PKD1: variants seen among roughly 807,000 people sequenced by gnomAD.
The protein encoded by PKD1 is polycystin 1, transient receptor potential channel interacting.
Under a neutral mutation model 361.7 loss-of-function variants are expected in PKD1, and 81 were observed. That is an observed-to-expected ratio of 0.22 (90% CI 0.19 to 0.27). The LOEUF is 0.27. PKD1 is among the 10% of genes least tolerant of loss of function. The pLI, the probability that PKD1 is intolerant of heterozygous loss-of-function variation, is 1.00. For synonymous variants in PKD1, 3,615 were observed against 2,818.3 expected (o/e 1.28, Z -8.95); for missense variants, 6,399 against 6,118.3 (o/e 1.05, Z -1.53).
Position 2,102,866 on chromosome 16 carries a change from C to G in PKD1, c.8896G>C (p.Glu2966Gln), listed in dbSNP as rs773129632. The change falls in exon 24 of 46, where the codon GAG becomes CAG. Residue 2966 changes from glutamate (E) to glutamine (Q), a missense_variant. Coordinates refer to ENST00000262304, the MANE Select transcript of PKD1 (RefSeq NM_001009944.3). ...NCSASRRIRPESLQGADHRPY... is the reference protein window; with the variant it reads ...NCSASRRIRPQSLQGADHRPY... The stretch of plus-strand genomic sequence containing the variant: ...CGGTGGTCAGCACCCTGGAGTGACT[C>G]TGGGCGGATCCTCCTGCTAGCCGAG... 5 of 1,600,464 alleles carry G rather than the reference C, an allele frequency of 3.1e-6. No individual in the cohort carries two copies. Among genetic ancestry groups the G allele is most frequent in the African/African-American group, 1.4e-5 (1 of 71,422 alleles).
At position 2,092,314 on chromosome 16, in the gene PKD1, C is replaced by T. The variant is rs563107624; in HGVS notation, c.11270-126G>A. 83 of 1,098,988 alleles carry T rather than the reference C, an allele frequency of 7.6e-5. No individual in the cohort carries two copies. In the African/African-American group the frequency reaches 1.2e-3, roughly 16 times the overall value. The allele number at this position is 1,098,988 out of a possible 1,614,324, so 68.1% of individuals were successfully genotyped here. On this transcript the variant is annotated intron_variant, in intron 39 of 45. Transcript: ENST00000262304. Reference sequence around the variant, plus strand: ...CCCAGGGAACCCTCCCAGCAGCCATCAATTAGACAACGTTACCATCTCTCA... The same window carrying T: ...CCCAGGGAACCCTCCCAGCAGCCATTAATTAGACAACGTTACCATCTCTCA...
At position 2,120,940 on chromosome 16, in the gene PKD1, C is replaced by CT. The variant is rs2092710548; in HGVS notation, c.216-1563_216-1562insA. On this transcript the variant is annotated intron_variant, in intron 1 of 45. Transcript: ENST00000262304. The stretch of plus-strand genomic sequence containing the variant: ...GCTGAGGCAGGAGAATCACGTGAAC[C>CT]CGGGAGGCGAAGGTTGCAGTGAGCC... 2.6e-5 allele frequency among the ~76,000 whole-genome samples: 4 copies of CT among 151,760 alleles called. No individual in the cohort carries two copies. The South Asian group carries it at 8.3e-4, about 32-fold the overall frequency.
In PKD1 at chr16:2,109,743, C is replaced by T. The variant is rs2092451799; in HGVS notation, c.5424G>A (p.Arg1808=). ...VQVPVSGLSI[R]ASEPGGSFVA... ...CGAAGCTGCCTCCGGGCTCGCTGGC[C>T]CTGATGCTGAGGCCACTCACAGGCA... The change falls in exon 15 of 46, where the codon AGG becomes AGA. Residue 1808 remains arginine (R), a synonymous_variant. Coordinates refer to ENST00000262304, the MANE Select transcript of PKD1 (RefSeq NM_001009944.3). 1 of 1,609,078 alleles carries T rather than the reference C, an allele frequency of 6.2e-7. No individual in the cohort carries two copies. The highest frequency in any genetic ancestry group is 1.3e-5 in the African/African-American group (1 of 74,844).
In PKD1 at chr16:2,114,529, G is replaced by A. The variant is rs777602723; in HGVS notation, c.2494C>T (p.Arg832Cys). 23 of 1,593,886 alleles carry A rather than the reference G, an allele frequency of 1.4e-5. No homozygotes were observed. Among genetic ancestry groups the A allele is most frequent in the African/African-American group, 5.3e-5 (4 of 74,808 alleles). Residue 832 changes from arginine (R) to cysteine (C), a missense_variant, in exon 11 of 46, where the codon CGC becomes TGC. Transcript: ENST00000262304. ...AGLRVIYPAP[R>C]DGRLYVPTNG... ...GTGGGCACGTAGAGGCGGCCGTCGCGGGGGGCAGGGTAGATGACCCGCAGC... is the reference window on the plus strand; with the variant it reads ...GTGGGCACGTAGAGGCGGCCGTCGCAGGGGGCAGGGTAGATGACCCGCAGC...
At chr16:2,115,327 G>A (rs1216333449) in intron 10 of PKD1, 51 bp downstream of exon 10, 1 of 1,438,680 alleles carries the variant, frequency 7.0e-7, no homozygotes, top group Non-Finnish European at 9.5e-7. Context: ...CAGCAGACAG[G>A]AAGGTGGCCT....
In PKD1 at chr16:2,100,574, G is replaced by A. The variant is rs781378410; in HGVS notation, c.9398-8C>T. ...CCACGTGGGCCGTGGTACCTGGGAG[G>A]CAAGAGGGAGGGGTGGGAGGCTCGG... On this transcript the variant is annotated splice_region_variant and splice_polypyrimidine_tract_variant and intron_variant, in intron 26 of 45. Coordinates refer to ENST00000262304, the MANE Select transcript of PKD1 (RefSeq NM_001009944.3). The surrounding 1 kb of genome is among the most constrained non-coding windows in gnomAD (Gnocchi z 4.4). 7.1e-5 allele frequency: 114 copies of A among 1,608,442 alleles called. No homozygotes were observed. Among genetic ancestry groups the A allele is most frequent in the Non-Finnish European group, 8.7e-5 (103 of 1,178,838 alleles).
At position 2,106,091 on chromosome 16, in the gene PKD1, C is replaced by A; in HGVS notation, c.7703G>T (p.Arg2568Met). 1 of 1,605,840 alleles carries A rather than the reference C, an allele frequency of 6.2e-7. No homozygotes were observed. The highest frequency in any genetic ancestry group is 8.5e-7 in the Non-Finnish European group (1 of 1,176,528). Residue 2568 changes from arginine (R) to methionine (M), a missense_variant and splice_region_variant, in exon 19 of 46, where the codon AGG becomes ATG. Transcript: ENST00000262304. The surrounding 1 kb of genome is among the most constrained non-coding windows in gnomAD (Gnocchi z 6.5). ...GGCGCCCTCCCACGGCCTGGCTCACCTGTTGAGGGCGACCACAGCGGCTCC... is the reference window on the plus strand; with the variant it reads ...GGCGCCCTCCCACGGCCTGGCTCACATGTTGAGGGCGACCACAGCGGCTCC... ...QLGAAVVALN[R>M]SLAITLPEPN...
Position 2,090,397 on chromosome 16 carries a change from T to C in PKD1, c.12332A>G (p.His4111Arg), listed in dbSNP as rs1215019403. Reference sequence around the variant, plus strand: ...CCGGTACAGCTCTCCACGCAAGGCGTGGTAGCGCCAGCGGAGAATAACAGC... The same window carrying C: ...CCGGTACAGCTCTCCACGCAAGGCGCGGTAGCGCCAGCGGAGAATAACAGC... ...LGAVILRWRY[H>R]ALRGELYRPA... Residue 4111 changes from histidine to arginine, a missense_variant, in exon 45 of 46, where the codon CAC (histidine) becomes CGC (arginine). His to Arg is a conservative substitution (Grantham distance 29, BLOSUM62 0). Coordinates refer to ENST00000262304, the MANE Select transcript of PKD1 (RefSeq NM_001009944.3). 2.5e-6 allele frequency: 4 copies of C among 1,612,558 alleles called. No individual in the cohort carries two copies. Among genetic ancestry groups the C allele is most frequent in the Non-Finnish European group, 3.4e-6 (4 of 1,179,894 alleles).
Position 2,097,719 on chromosome 16 carries a change from G to A in PKD1, c.10220+9C>T, listed in dbSNP as rs775761020. On this transcript the variant is annotated intron_variant, in intron 32 of 45. Coordinates refer to ENST00000262304, the MANE Select transcript of PKD1 (RefSeq NM_001009944.3). ...GCACCAGGGCTCGAGGTTTCTCTAG[G>A]GAACCCACCTCTTAGAATCATCCAG... The A allele has an allele frequency of 6.8e-6, 11 of 1,611,014 alleles. No homozygotes were observed. Among genetic ancestry groups the A allele is most frequent in the Non-Finnish European group, 8.5e-6 (10 of 1,179,816 alleles).
rs577453334 is a variant in PKD1 at position 2,134,834 on chromosome 16, CA to C, written c.215+640del. On this transcript the variant is annotated intron_variant, in intron 1 of 45. Coordinates refer to ENST00000262304, the MANE Select transcript of PKD1 (RefSeq NM_001009944.3). ...CGAACATGACAAGGCTTTAACCCCC[CA>C]CGGCAATCCCCCCTCACCCCTGTTC... is the stretch of plus-strand genomic sequence containing the variant. Among the ~76,000 whole-genome samples the C allele has an allele frequency of 7.8e-3, 1,136 of 145,232 alleles. 15 individuals are homozygous for C. Among genetic ancestry groups the C allele is most frequent in the African/African-American group, 0.029 (1,060 of 37,016 alleles).
At chr16:2,097,804 G>C (rs2091907390) in intron 31 of PKD1, 24 bp from the exon 32 acceptor site, 10 of 1,611,446 alleles carry the variant, frequency 6.2e-6, no homozygotes, top group Non-Finnish European at 7.6e-6. Flanking sequence ...AGTGTCTTGA[G>C]TCCAAGCTGC....
chr16:2,124,613 T>A (rs553001247), intron 1 of PKD1, among the ~76,000 whole-genome samples: 3 of 152,246 alleles, frequency 2.0e-5, no homozygotes, highest in South Asian at 2.1e-4. Flanking sequence ...TGCCTCAGAG[T>A]CTCACACTCA....
At chr16:2,107,148 G>A (rs981653576) in intron 16 of PKD1, 200 bp from the exon 17 acceptor site, 18 of 647,648 alleles carry the variant, frequency 2.8e-5, no homozygotes, top group African/African-American at 5.4e-5. Context: ...ACAGGGCAGA[G>A]GACACTGGAG....
At chr16:2,131,916 T>C (rs2092886189) in intron 1 of PKD1, 1 of 152,136 alleles carries the variant, frequency 6.6e-6, no homozygotes, top group South Asian at 2.1e-4. Context: ...CTTCATTCTT[T>C]CTCCAGTCCT....
At chr16:2,107,426 G>T in intron 16 of PKD1, 1 of 360,194 alleles carries the variant, frequency 2.8e-6, no homozygotes, top group Non-Finnish European at 5.3e-6. Context: ...GGAAAGCAGG[G>T]ACTGGGGAAC....
At chr16:2,119,665 C>T in intron 1 of PKD1, 2 of 613,742 alleles carry the variant, frequency 3.3e-6, no homozygotes, top group Non-Finnish European at 5.8e-6. Flanking sequence ...GGGCACGGAC[C>T]CCCAACCCAT....
At chr16:2,123,149 G>T (rs554465201) in intron 1 of PKD1, among the ~76,000 whole-genome samples, 1 of 152,152 alleles carries the variant, frequency 6.6e-6, no homozygotes, top group African/African-American at 2.4e-5. Context: ...GCCTGTCACC[G>T]GTTCTGGCCA....
In PKD1 at chr16:2,089,417, C is replaced by T. The variant is rs1567141262; in HGVS notation, c.*310G>A. 3 of 466,834 alleles carry T rather than the reference C, an allele frequency of 6.4e-6. No homozygotes were observed. In the Admixed American group the frequency reaches 1.1e-4, roughly 17 times the overall value. 28.9% of individuals were successfully genotyped at this position (466,834 alleles called of 1,614,324 possible). A position where few individuals can be genotyped will look rare whatever the true frequency, so the allele number is the denominator to read the frequency against. ...GCCTTAGCAGTGGGGGACATCTGCC[C>T]AGGGGGTGGGGCCGGGCACAGCCCG... On this transcript the variant is annotated 3_prime_UTR_variant, in exon 46 of 46. Transcript: ENST00000262304.
Position 2,094,222 on chromosome 16 carries a change from G to A in PKD1, c.10500-12C>T, listed in dbSNP as rs1263221218. 1 of 1,508,142 alleles carries A rather than the reference G, an allele frequency of 6.6e-7. No homozygotes were observed. Among genetic ancestry groups the A allele is most frequent in the Non-Finnish European group, 9.2e-7 (1 of 1,085,930 alleles). The allele number at this position is 1,508,142 out of a possible 1,614,324, so 93.4% of individuals were successfully genotyped here. On this transcript the variant is annotated splice_polypyrimidine_tract_variant and intron_variant, in intron 34 of 45. Transcript: ENST00000262304. ...CAGGAGTGCTGGACCTGAGGGACAT[G>A]GTAGGCTGTGAATTCATCCCGGCCT...
Sources: allele counts gnomAD v4.1 joint callset (sites outside exome capture counted in the v4.1 genomes callset), GRCh38; gene constraint gnomAD v4.1.1; non-coding constraint Gnocchi (gnomAD v3.1); transcripts MANE v1.5; gene names NCBI Gene and HGNC (gene_info 2026-07-23, HGNC 2026-07-21).